The following MIPOL1 variants were observed in gnomAD, a reference collection of about 807,000 sequenced individuals.
MIPOL1 encodes mirror-image polydactyly gene 1 protein.
MIPOL1 carries 57 observed loss-of-function variants against 60.9 expected under a neutral mutation model. The observed-to-expected ratio is 0.94, with a 90% CI of 0.76 to 1.17. The LOEUF (loss-of-function observed/expected upper bound fraction) is 1.17, where lower values mean the gene tolerates loss of function less well. Ranked by LOEUF, MIPOL1 falls within the 50% of genes most tolerant of loss-of-function variation. The probability of loss-of-function intolerance (pLI) is 0.00; values close to 1 mark genes in which losing one functional copy is unlikely to be tolerated. For missense variants in MIPOL1, 551 were observed against 511.6 expected (o/e 1.08, Z -0.74); for synonymous variants, 179 against 168.8 (o/e 1.06, Z -0.47).
rs762651181 is a variant in MIPOL1, at chr14:37,308,338, G to A, written c.658-11G>A. On this transcript the variant is annotated splice_polypyrimidine_tract_variant and intron_variant, in intron 8 of 12. Coordinates refer to ENST00000684589, the MANE Select transcript of MIPOL1 (RefSeq NM_001388067.1). ...ACTTCATGTCTGACTAACATATAATGGTGTTGGTAGACATTACAGGAATTA... is the reference window on the plus strand; with the variant it reads ...ACTTCATGTCTGACTAACATATAATAGTGTTGGTAGACATTACAGGAATTA... The A allele has an allele frequency of 4.0e-6, 6 of 1,515,584 alleles. No individual in the cohort carries two copies. In the African/African-American group the frequency reaches 8.4e-5, roughly 21 times the overall value. 93.9% of individuals were successfully genotyped at this position (1,515,584 alleles called of 1,614,324 possible). A position where few individuals can be genotyped will look rare whatever the true frequency, so the allele number is the denominator to read the frequency against.
intron 10 of MIPOL1, chr14:37,401,057 T>TA (rs1289243422): frequency 2.6e-5 from 4 of 152,162 alleles, no homozygotes; most frequent in East Asian, 1.9e-4. Flanking sequence ...GACCATTGGT[T>TA]AAAAAATATA....
At chr14:37,212,991 T>A (rs1966952204) in intron 1 of MIPOL1, among the ~76,000 whole-genome samples, 1 of 152,110 alleles carries the variant, frequency 6.6e-6, no homozygotes, top group Non-Finnish European at 1.5e-5. Context: ...CCTATGTGAG[T>A]CTGCAAGAAC....
chr14:37,401,295 A>T (rs1383239461), intron 10 of MIPOL1: 2 of 152,148 alleles, frequency 1.3e-5, no homozygotes, highest in Non-Finnish European at 2.9e-5. Flanking sequence ...GGAAAACTTG[A>T]GTTATCAAAA....
chr14:37,425,494 A>T (rs780020261), intron 11 of MIPOL1, among the ~76,000 whole-genome samples: 43 of 152,144 alleles, frequency 2.8e-4, no homozygotes, highest in Non-Finnish European at 3.5e-4. Flanking sequence ...CTTAAAAAAA[A>T]TTTATGGTGA....
At chr14:37,340,513 C>T (rs1206845427) in intron 9 of MIPOL1, among the ~76,000 whole-genome samples, 1 of 151,876 alleles carries the variant, frequency 6.6e-6, no homozygotes, top group East Asian at 1.9e-4. Context: ...AGTTCAAGAC[C>T]AGCCTGGGCA....
At chr14:37,368,901 G>T (rs1250076358) in intron 9 of MIPOL1, among the ~76,000 whole-genome samples, 1 of 151,932 alleles carries the variant, frequency 6.6e-6, no homozygotes, top group East Asian at 1.9e-4. Flanking sequence ...ATAGGTGAAA[G>T]TGGTCATTTC....
chr14:37,428,190 G>A (rs1211433820), intron 11 of MIPOL1, among the ~76,000 whole-genome samples: 1 of 152,178 alleles, frequency 6.6e-6, no homozygotes, highest in Non-Finnish European at 1.5e-5. Flanking sequence ...AAAACTTCAA[G>A]TCTGACTCTC....
chr14:37,338,732 G>A (rs1362063055), intron 9 of MIPOL1, among the ~76,000 whole-genome samples: 1 of 152,070 alleles, frequency 6.6e-6, no homozygotes, highest in East Asian at 1.9e-4. Context: ...TACCAAATCA[G>A]CCTATTTGAA....
intron 6 of MIPOL1, among the ~76,000 whole-genome samples, chr14:37,280,608 G>A (rs1217122661): frequency 2.0e-5 from 3 of 152,062 alleles, no homozygotes; most frequent in Admixed American, 6.6e-5. Flanking sequence ...AACCATTTGT[G>A]TGTCTTTTTT....
intron 9 of MIPOL1, among the ~76,000 whole-genome samples, chr14:37,350,421 T>G (rs1429086661): frequency 2.0e-5 from 3 of 152,048 alleles, no homozygotes; most frequent in Non-Finnish European, 2.9e-5. Flanking sequence ...TTTCCTATTT[T>G]TTTTTTACTT....
intron 11 of MIPOL1, among the ~76,000 whole-genome samples, chr14:37,457,336 G>A (rs558274610): frequency 3.9e-5 from 6 of 152,238 alleles, no homozygotes; most frequent in Admixed American, 1.3e-4. Flanking sequence ...GAACAGTCTG[G>A]CACAAAGTAG....
At chr14:37,510,314 A>G (rs2095317822) in intron 12 of MIPOL1, among the ~76,000 whole-genome samples, 1 of 152,068 alleles carries the variant, frequency 6.6e-6, no homozygotes, top group South Asian at 2.1e-4. Flanking sequence ...TGGCACAATC[A>G]TGGCTCACTG....
In MIPOL1 at chr14:37,352,484, A is replaced by G. The variant is rs2091478225; in HGVS notation, c.829-17033A>G. Among the ~76,000 whole-genome samples the G allele has an allele frequency of 3.3e-4, 2 of 6,014 alleles. 1 individual carries two copies. The highest frequency in any genetic ancestry group is 1 in the East Asian group (2 of 2). 3.9% of individuals were successfully genotyped at this position (6,014 alleles called of 152,430 possible). ...GATGGGGATGGCATTGAATCTGTAA[A>G]TTACCTTGGGCAGTATGGCCATTTT... On this transcript the variant is annotated intron_variant, in intron 9 of 12. Coordinates refer to ENST00000684589, the MANE Select transcript of MIPOL1 (RefSeq NM_001388067.1).
intron 9 of MIPOL1, among the ~76,000 whole-genome samples, chr14:37,347,957 TA>T (rs1170618134): frequency 1.3e-5 from 2 of 152,176 alleles, no homozygotes; most frequent in Non-Finnish European, 2.9e-5. Flanking sequence ...GCAGGTTTGT[TA>T]CATGGGTATA....
intron 10 of MIPOL1, among the ~76,000 whole-genome samples, chr14:37,397,861 G>A (rs2093405884): frequency 6.6e-6 from 1 of 152,142 alleles, no homozygotes; most frequent in Non-Finnish European, 1.5e-5. Context: ...CAGGCAGTGA[G>A]CAAGCCGGGC....
chr14:37,353,388 C>T (rs1419611454), intron 9 of MIPOL1, among the ~76,000 whole-genome samples: 2 of 138,534 alleles, frequency 1.4e-5, no homozygotes, highest in Non-Finnish European at 3.1e-5. Context: ...GTGTCTCTGC[C>T]TGGCTTTGGT....
At chr14:37,204,402 C>CA (rs1372279298) in intron 1 of MIPOL1, among the ~76,000 whole-genome samples, 2 of 152,098 alleles carry the variant, frequency 1.3e-5, no homozygotes, top group African/African-American at 4.8e-5. Flanking sequence ...TGTCCCCACG[C>CA]AAATCTCATC....
intron 9 of MIPOL1, among the ~76,000 whole-genome samples, chr14:37,347,599 GA>G: frequency 6.6e-6 from 1 of 152,244 alleles, no homozygotes; most frequent in Non-Finnish European, 1.5e-5. Flanking sequence ...AGAGTATGAA[GA>G]AGTTAAAAGT....
At chr14:37,329,931 T>C (rs1215380649) in intron 9 of MIPOL1, among the ~76,000 whole-genome samples, 1 of 152,160 alleles carries the variant, frequency 6.6e-6, no homozygotes, top group Non-Finnish European at 1.5e-5. Context: ...AATTTTATTT[T>C]CCTGATCATT....
Sources: allele counts gnomAD v4.1 joint callset (sites outside exome capture counted in the v4.1 genomes callset), GRCh38; gene constraint gnomAD v4.1.1; transcripts MANE v1.5; gene names NCBI Gene and HGNC (gene_info 2026-07-23, HGNC 2026-07-21).